RIMS1: variants seen among roughly 807,000 people sequenced by gnomAD.
RIMS1 encodes regulating synaptic membrane exocytosis 1, also known as regulating synaptic membrane exocytosis protein 1.
RIMS1 carries 83 observed loss-of-function variants against 214.1 expected under a neutral mutation model. The observed-to-expected ratio is 0.39, with a 90% CI of 0.32 to 0.47. RIMS1 has a LOEUF of 0.47. Among genes scored for constraint, RIMS1 ranks in the 20% least tolerant of loss-of-function variants. RIMS1 has a pLI of 0.99. For missense variants in RIMS1, 2,050 were observed against 2,161.8 expected (o/e 0.95, Z 1.03); for synonymous variants, 793 against 786.8 (o/e 1.01, Z -0.13).
At chr6:72,394,099 G>A (rs2098745635) in intron 31 of RIMS1, among the ~76,000 whole-genome samples, 1 of 151,408 alleles carries the variant, frequency 6.6e-6, no homozygotes, top group African/African-American at 2.4e-5. Flanking sequence ...GGATACCCAG[G>A]ATGATAGCAA....
At chr6:72,102,990 T>C (rs1044649017) in intron 4 of RIMS1, among the ~76,000 whole-genome samples, 1 of 152,140 alleles carries the variant, frequency 6.6e-6, no homozygotes, top group African/African-American at 2.4e-5. Flanking sequence ...CCCACTTTTA[T>C]GTTTTCTTCT....
At chr6:72,347,150 C>G (rs1174789031) in intron 29 of RIMS1, among the ~76,000 whole-genome samples, 3 of 151,698 alleles carry the variant, frequency 2.0e-5, no homozygotes, top group African/African-American at 4.8e-5. Flanking sequence ...GACTTATGCC[C>G]CCATAGATAA....
Position 72,280,968 on chromosome 6 carries a change from G to T in RIMS1, c.3483-3079G>T, listed in dbSNP as rs191256252. ...GCAAAACCTGTGTGTGTGTGCAGTG[G>T]TAGTGGTATTATTGCCACTTTTTAG... On this transcript the variant is annotated intron_variant, in intron 23 of 33. Coordinates refer to ENST00000521978, the MANE Select transcript of RIMS1 (RefSeq NM_014989.7). 1.6e-3 allele frequency among the ~76,000 whole-genome samples: 245 copies of T among 152,190 alleles called. 1 individual carries two copies. The highest frequency in any genetic ancestry group is 1.6e-3 in the Non-Finnish European group (110 of 67,946).
At chr6:72,150,990 G>C (rs2043478224) in intron 4 of RIMS1, among the ~76,000 whole-genome samples, 1 of 152,110 alleles carries the variant, frequency 6.6e-6, no homozygotes, top group South Asian at 2.1e-4. Context: ...AATCATTTTT[G>C]TTTAGGGTTT....
chr6:72,058,657 G>T (rs1007065080), intron 2 of RIMS1, among the ~76,000 whole-genome samples: 1 of 152,244 alleles, frequency 6.6e-6, no homozygotes, highest in African/African-American at 2.4e-5. Context: ...CCTCCCCAAA[G>T]ACCTTTTTCT....
At chr6:72,384,345 C>T (rs773935033) in intron 29 of RIMS1, among the ~76,000 whole-genome samples, 5 of 152,164 alleles carry the variant, frequency 3.3e-5, no homozygotes, top group Admixed American at 6.5e-5. Flanking sequence ...CTCATTCCCT[C>T]TTCTGACTGG....
At chr6:72,034,017 G>A (rs1013308029) in intron 2 of RIMS1, among the ~76,000 whole-genome samples, 1 of 152,046 alleles carries the variant, frequency 6.6e-6, no homozygotes. Context: ...TACAGAATGA[G>A]GAAAATTAAA....
At chr6:72,133,260 C>A (rs913448205) in intron 4 of RIMS1, among the ~76,000 whole-genome samples, 3 of 149,038 alleles carry the variant, frequency 2.0e-5, no homozygotes, top group African/African-American at 7.4e-5. Flanking sequence ...TACAGAGTCT[C>A]ACTCTGTTCC....
intron 29 of RIMS1, among the ~76,000 whole-genome samples, chr6:72,356,394 AAGAC>A (rs2097646067): frequency 2.0e-5 from 3 of 152,196 alleles, no homozygotes; most frequent in Non-Finnish European, 4.4e-5. Flanking sequence ...TATCTCCAGA[AAGAC>A]AGGGCATAGC....
chr6:72,295,961 CA>C, intron 26 of RIMS1: 2 of 497,850 alleles, frequency 4.0e-6, no homozygotes, highest in South Asian at 5.7e-5. Context: ...AACTCTTCCA[CA>C]AAAGGTAAAT....
rs1048763575 is a variant in RIMS1 at position 72,284,254 on chromosome 6, C to G, written c.3554+136C>G. On this transcript the variant is annotated intron_variant, in intron 24 of 33. Coordinates refer to ENST00000521978, the MANE Select transcript of RIMS1 (RefSeq NM_014989.7). ...AAGGCATTCATGTAACTAAACCTAC[C>G]CCTAAATGGAAATGATCTCATTGAA... 10 of 596,638 alleles carry G rather than the reference C, an allele frequency of 1.7e-5. No homozygotes were observed. The African/African-American group carries it at 1.9e-4, about 11-fold the overall frequency. 37.0% of individuals were successfully genotyped at this position (596,638 alleles called of 1,614,324 possible).
intron 2 of RIMS1, among the ~76,000 whole-genome samples, chr6:71,974,045 T>A (rs1796552635): frequency 6.6e-6 from 1 of 152,200 alleles, no homozygotes; most frequent in African/African-American, 2.4e-5. Flanking sequence ...ATCACATATC[T>A]TGTAACTAGC....
chr6:72,097,631 T>A (rs2032191914), intron 3 of RIMS1, among the ~76,000 whole-genome samples: 1 of 152,230 alleles, frequency 6.6e-6, no homozygotes, highest in African/African-American at 2.4e-5. Context: ...TCAGATTTAC[T>A]GATATGTTAA....
chr6:72,275,650 T>C (rs1009774985), intron 23 of RIMS1, among the ~76,000 whole-genome samples: 1 of 152,210 alleles, frequency 6.6e-6, no homozygotes, highest in African/African-American at 2.4e-5. Flanking sequence ...TTTCTGCTAC[T>C]GTCTGATTTC....
intron 1 of RIMS1, among the ~76,000 whole-genome samples, chr6:71,940,762 G>A (rs1157169716): frequency 1.3e-5 from 2 of 152,100 alleles, no homozygotes; most frequent in Non-Finnish European, 2.9e-5. Flanking sequence ...GGCACTTAAT[G>A]GAAGTTAGGT....
intron 29 of RIMS1, among the ~76,000 whole-genome samples, chr6:72,359,189 T>C (rs925315883): frequency 6.6e-6 from 1 of 152,202 alleles, no homozygotes; most frequent in Non-Finnish European, 1.5e-5. Context: ...ACAGAAGTGA[T>C]GTCTCAGGTG....
At chr6:72,195,257 A>G (rs896597982) in intron 6 of RIMS1, among the ~76,000 whole-genome samples, 8 of 152,172 alleles carry the variant, frequency 5.3e-5, no homozygotes, top group Non-Finnish European at 8.8e-5. Flanking sequence ...AAAGTACAAC[A>G]CAAATTAATT....
chr6:72,010,364 G>A (rs1014153271), intron 2 of RIMS1, among the ~76,000 whole-genome samples: 14 of 152,132 alleles, frequency 9.2e-5, no homozygotes, highest in Admixed American at 3.3e-4. Flanking sequence ...CAAACCCACA[G>A]CCAATATCAT....
intron 2 of RIMS1, among the ~76,000 whole-genome samples, chr6:72,006,644 A>G (rs1054793976): frequency 6.6e-6 from 1 of 152,128 alleles, no homozygotes; most frequent in South Asian, 2.1e-4. Context: ...CGCTTTTCCA[A>G]TGGTCTTAGC....
Sources: allele counts gnomAD v4.1 joint callset (sites outside exome capture counted in the v4.1 genomes callset), GRCh38; gene constraint gnomAD v4.1.1; transcripts MANE v1.5; gene names NCBI Gene and HGNC (gene_info 2026-07-23, HGNC 2026-07-21).